Variants in DUSP22 observed in about 807,000 individuals in gnomAD.
DUSP22 encodes the protein dual specificity protein phosphatase 22.
DUSP22 carries 24 observed loss-of-function variants against 24.5 expected under a neutral mutation model. The ratio of observed to expected loss-of-function variants is 0.98; its 90% CI spans 0.71 to 1.38. The LOEUF (loss-of-function observed/expected upper bound fraction) is 1.38, where lower values mean the gene tolerates loss of function less well. Among genes scored for constraint, DUSP22 ranks in the 40% most tolerant of loss-of-function variants. The pLI is 0.00. For synonymous variants in DUSP22, 160 were observed against 106.4 expected, an observed-to-expected ratio of 1.50 and a Z score of -3.10; for missense variants, 330 against 269.2, an observed-to-expected ratio of 1.23 and a Z score of -1.58.
intron 4 of DUSP22, among the ~76,000 whole-genome samples, chr6:342,193 C>T (rs1031065300): frequency 3.9e-5 from 6 of 152,308 alleles, no homozygotes; most frequent in Non-Finnish European, 5.9e-5. Flanking sequence ...TGTGTTCTGA[C>T]GTGCTCTGTG....
At chr6:335,244 G>C in intron 4 of DUSP22, 81 bp downstream of exon 4, 1 of 1,561,506 alleles carries the variant, frequency 6.4e-7, no homozygotes, top group Non-Finnish European at 8.8e-7. Context: ...GTAGAAGACT[G>C]TGAAGTTGTC....
At chr6:305,005 T>C (rs1274349455) in intron 2 of DUSP22, among the ~76,000 whole-genome samples, 1 of 152,308 alleles carries the variant, frequency 6.6e-6, no homozygotes, top group Admixed American at 6.5e-5. Context: ...TTCATCCGTG[T>C]TGCGGCGTGT....
chr6:347,011 CT>C (rs1367525048), intron 5 of DUSP22, among the ~76,000 whole-genome samples: 1 of 152,310 alleles, frequency 6.6e-6, no homozygotes, highest in Non-Finnish European at 1.5e-5. Context: ...TTTCATCTCA[CT>C]TTTTTAAAGA....
chr6:350,017 A>G lies in DUSP22; in HGVS notation c.*1066A>G, dbSNP rs1760117281. The G allele has an allele frequency of 2.0e-6, 2 of 985,698 alleles. No individual in the cohort carries two copies. The highest frequency in any genetic ancestry group is 2.4e-6 in the Non-Finnish European group (2 of 830,030). 61.1% of individuals were successfully genotyped at this position (985,698 alleles called of 1,614,324 possible). On this transcript the variant is annotated 3_prime_UTR_variant, in exon 7 of 7. Transcript: ENST00000419235. ...AGAGCATTTATTAGGCACTGTAGCA[A>G]TTTGCATTTTAAAATGCCTGAGCAT...
At chr6:323,790 C>G (rs1284068540) in intron 3 of DUSP22, among the ~76,000 whole-genome samples, 1 of 152,310 alleles carries the variant, frequency 6.6e-6, no homozygotes, top group African/African-American at 2.4e-5. Flanking sequence ...CTGTGCTGAC[C>G]TGGGAGGAGG....
chr6:341,076 C>T (rs1179113966), intron 4 of DUSP22, among the ~76,000 whole-genome samples: 1 of 152,302 alleles, frequency 6.6e-6, no homozygotes, highest in East Asian at 1.9e-4. Context: ...GGTGACTGGG[C>T]AGTTTGCGAG....
At chr6:294,478 T>G (rs1465761203) in intron 1 of DUSP22, among the ~76,000 whole-genome samples, 1 of 152,292 alleles carries the variant, frequency 6.6e-6, no homozygotes, top group Non-Finnish European at 1.5e-5. Context: ...AATGTTCCGG[T>G]AGCCACATTA....
At position 348,195 on chromosome 6, in the gene DUSP22, G is replaced by T. The variant is rs7768224; in HGVS notation, c.356G>T (p.Arg119Leu). The T allele has an allele frequency of 1.2e-6, 2 of 1,614,108 alleles. No homozygotes were observed. Among genetic ancestry groups the T allele is most frequent in the East Asian group, 2.2e-5 (1 of 44,904 alleles). Reference protein sequence around the residue: ...FGWEDALHTVRAGRSCANPNV... With the variant: ...FGWEDALHTVLAGRSCANPNV... ...TGGGAGGATGCCCTGCACACCGTGCGTGCTGGGAGATCCTGTGCCAACCCC... is the reference window on the plus strand; with the variant it reads ...TGGGAGGATGCCCTGCACACCGTGCTTGCTGGGAGATCCTGTGCCAACCCC... Residue 119 changes from arginine to leucine, a missense_variant, in exon 6 of 7, where the codon CGT (arginine) becomes CTT (leucine). Physicochemically the swap from Arg to Leu is moderately radical, Grantham distance 102. Transcript: ENST00000419235.
intron 4 of DUSP22, among the ~76,000 whole-genome samples, chr6:335,969 T>C (rs368853849): frequency 0.01 from 1,592 of 151,796 alleles, no homozygotes; most frequent in Non-Finnish European, 0.016. Flanking sequence ...CTTTTCCATA[T>C]TGAAGAAATC....
intron 4 of DUSP22, among the ~76,000 whole-genome samples, chr6:345,613 A>G (rs181370293): frequency 7.2e-5 from 11 of 152,426 alleles, no homozygotes; most frequent in Admixed American, 2.6e-4. Flanking sequence ...TGTTATCACT[A>G]CAAAGTGATA....
chr6:314,031 T>G (rs927728645), intron 3 of DUSP22, among the ~76,000 whole-genome samples: 7 of 152,298 alleles, frequency 4.6e-5, no homozygotes, highest in Non-Finnish European at 8.8e-5. Context: ...GGAAATGATG[T>G]GTTTGGAGTC....
At chr6:311,803 T>G (rs1758114047) in intron 2 of DUSP22, 77 bp from the exon 3 acceptor site, 1 of 1,458,450 alleles carries the variant, frequency 6.9e-7, no homozygotes, top group South Asian at 1.3e-5. Flanking sequence ...GTGGGTTTTT[T>G]TTTTTTTCTG....
chr6:349,452 C>G lies in DUSP22; in HGVS notation c.*501C>G. The G allele has an allele frequency of 9.9e-7, 1 of 1,006,304 alleles. No homozygotes were observed. The highest frequency in any genetic ancestry group is 1.2e-6 in the Non-Finnish European group (1 of 843,136). 62.3% of individuals were successfully genotyped at this position (1,006,304 alleles called of 1,614,324 possible). ...ACTCCACATGGAAGGCATTTGAGCT[C>G]GACCTCCGAAAAGCTACCCAGCAAA... On this transcript the variant is annotated 3_prime_UTR_variant, in exon 7 of 7. Coordinates refer to ENST00000419235, the MANE Select transcript of DUSP22 (RefSeq NM_001286555.3).
intron 3 of DUSP22, chr6:320,496 C>T (rs780923530): frequency 2.2e-4 from 33 of 152,942 alleles, no homozygotes; most frequent in Non-Finnish European, 4.4e-4. Context: ...GCATGCAGCG[C>T]GTGGGCTCCT....
intron 3 of DUSP22, among the ~76,000 whole-genome samples, chr6:324,560 T>G (rs1434692495): frequency 1.3e-5 from 2 of 152,310 alleles, no homozygotes; most frequent in Non-Finnish European, 2.9e-5. Context: ...ACGTTCTTTC[T>G]GCCCTGAGCT....
rs912911206 is a variant in DUSP22, at chr6:340,307, C to T, written c.188+5144C>T. 2.6e-5 allele frequency among the ~76,000 whole-genome samples: 4 copies of T among 152,424 alleles called. No homozygotes were observed. In the East Asian group the frequency reaches 7.7e-4, roughly 29 times the overall value. ...TGCTGATAGGGCAGCTCCACCATGT[C>T]TGTCTGATGAGGAACATTCTTCCCA... On this transcript the variant is annotated intron_variant, in intron 4 of 6. Coordinates refer to ENST00000419235, the MANE Select transcript of DUSP22 (RefSeq NM_001286555.3).
chr6:302,756 C>T (rs1274843820), intron 1 of DUSP22, among the ~76,000 whole-genome samples: 3 of 152,298 alleles, frequency 2.0e-5, no homozygotes, highest in Non-Finnish European at 4.4e-5. Flanking sequence ...AAAAAGTGAT[C>T]CTGACACTTG....
chr6:292,829 C>G (rs943792403), intron 1 of DUSP22, among the ~76,000 whole-genome samples: 1 of 152,288 alleles, frequency 6.6e-6, no homozygotes, highest in Non-Finnish European at 1.5e-5. Flanking sequence ...AAGCCGCGCC[C>G]TTTGAAAGCG....
At position 350,239 on chromosome 6, in the gene DUSP22, A is replaced by G. The variant is rs552345112; in HGVS notation, c.*1288A>G. On this transcript the variant is annotated 3_prime_UTR_variant, in exon 7 of 7. Coordinates refer to ENST00000419235, the MANE Select transcript of DUSP22 (RefSeq NM_001286555.3). ...ATTTAAAGTTGCCAGTTTGGGCTCC[A>G]GTAATGCTTTCTGGTGGGTAAAATT... 12 of 988,352 alleles carry G rather than the reference A, an allele frequency of 1.2e-5. No individual in the cohort carries two copies. The highest frequency in any genetic ancestry group is 6.0e-5 in the Admixed American group (1 of 16,608). The allele number at this position is 988,352 out of a possible 1,614,324, so 61.2% of individuals were successfully genotyped here. A position where few individuals can be genotyped will look rare whatever the true frequency, so the allele number is the denominator to read the frequency against.
Sources: allele counts gnomAD v4.1 joint callset (sites outside exome capture counted in the v4.1 genomes callset), GRCh38; gene constraint gnomAD v4.1.1; transcripts MANE v1.5; gene names NCBI Gene and HGNC (gene_info 2026-07-23, HGNC 2026-07-21).